ZNF512: variants seen among roughly 807,000 people sequenced by gnomAD.
ZNF512 encodes zinc finger protein 512.
ZNF512 carries 25 observed loss-of-function variants against 77.5 expected under a neutral mutation model. That is an observed-to-expected ratio of 0.32 (90% CI 0.23 to 0.45). The LOEUF is 0.45. Ranked by LOEUF, ZNF512 falls within the 20% of genes least tolerant of loss-of-function variation. ZNF512 has a pLI of 1.00. For synonymous variants in ZNF512, 246 were observed against 239.9 expected, an observed-to-expected ratio of 1.03 and a Z score of -0.24; for missense variants, 483 against 692.6, an observed-to-expected ratio of 0.70 and a Z score of 3.40.
At chr2:27,589,706 T>A (rs184729506) in intron 2 of ZNF512, among the ~76,000 whole-genome samples, 1 of 152,208 alleles carries the variant, frequency 6.6e-6, no homozygotes, top group Non-Finnish European at 1.5e-5. Flanking sequence ...AGTTTCTAAG[T>A]ATTGCTTTAG....
In ZNF512 at chr2:27,603,741, G is replaced by A. The variant is rs116719083; in HGVS notation, c.936+434G>A. Among the ~76,000 whole-genome samples, 282 of 151,248 alleles carry A rather than the reference G, an allele frequency of 1.9e-3. 3 individuals are homozygous for A. The highest frequency in any genetic ancestry group is 6.4e-3 in the African/African-American group (264 of 41,298). On this transcript the variant is annotated intron_variant, in intron 9 of 13. Coordinates refer to ENST00000355467, the MANE Select transcript of ZNF512 (RefSeq NM_032434.4). The stretch of plus-strand genomic sequence containing the variant: ...TAAGTAGCCAGGACTACAGGCTTGC[G>A]TCACATGCCCAGCTAATTCTTCGTT...
intron 2 of ZNF512, among the ~76,000 whole-genome samples, chr2:27,587,478 T>C (rs912091778): frequency 2.0e-5 from 3 of 151,912 alleles, no homozygotes; most frequent in Non-Finnish European, 2.9e-5. Context: ...GATTTCACCA[T>C]GTTGGCCAGG....
intron 2 of ZNF512, among the ~76,000 whole-genome samples, chr2:27,589,926 C>A (rs953559421): frequency 6.6e-6 from 1 of 152,142 alleles, no homozygotes; most frequent in Non-Finnish European, 1.5e-5. Flanking sequence ...AGAGAATACA[C>A]TGTGTAATTC....
intron 3 of ZNF512, 61 bp downstream of exon 3, chr2:27,598,315 T>A (rs1242595655): frequency 1.5e-5 from 23 of 1,518,608 alleles, no homozygotes; most frequent in Non-Finnish European, 2.0e-5. Flanking sequence ...AGTTTGAGAT[T>A]GTTATAAATA....
At chr2:27,610,824 G>A (rs1558475108) in intron 10 of ZNF512, among the ~76,000 whole-genome samples, 1 of 151,212 alleles carries the variant, frequency 6.6e-6, no homozygotes, top group Non-Finnish European at 1.5e-5. Flanking sequence ...CGCCTGCCTC[G>A]GCCTCCTGAA....
At chr2:27,588,064 A>G (rs1345031083) in intron 2 of ZNF512, among the ~76,000 whole-genome samples, 1 of 152,000 alleles carries the variant, frequency 6.6e-6, no homozygotes, top group Admixed American at 6.6e-5. Context: ...AAAGTGGGTT[A>G]TCTTATTGAA....
chr2:27,583,322 C>G, intron 1 of ZNF512, 180 bp downstream of exon 1: 1 of 1,263,384 alleles, frequency 7.9e-7, no homozygotes, highest in Non-Finnish European at 1.1e-6. Context: ...CTGTTCCCCA[C>G]CTCCTTGGAT....
At chr2:27,616,424 C>A in intron 12 of ZNF512, 100 bp downstream of exon 12, 1 of 933,676 alleles carries the variant, frequency 1.1e-6, no homozygotes, top group South Asian at 1.5e-5. Context: ...TCCTGTTTAC[C>A]ATTATCTTCA....
chr2:27,597,366 A>G (rs890073130), intron 2 of ZNF512, among the ~76,000 whole-genome samples: 2 of 152,102 alleles, frequency 1.3e-5, no homozygotes, highest in Non-Finnish European at 2.9e-5. Context: ...TCCATTGACC[A>G]CTCTTGGAGA....
At chr2:27,595,459 A>C (rs1671825379) in intron 2 of ZNF512, among the ~76,000 whole-genome samples, 2 of 151,852 alleles carry the variant, frequency 1.3e-5, no homozygotes, top group South Asian at 4.1e-4. Context: ...CGAGTAGCTG[A>C]GATTACAGGC....
intron 1 of ZNF512, 63 bp from the exon 2 acceptor site, chr2:27,583,595 C>T: frequency 1.9e-6 from 3 of 1,597,500 alleles, no homozygotes; most frequent in Non-Finnish European, 2.6e-6. Context: ...TAGGGGAATT[C>T]GTCTTTTTGT....
At chr2:27,601,682 C>A (rs944870252) in intron 7 of ZNF512, among the ~76,000 whole-genome samples, 3 of 151,352 alleles carry the variant, frequency 2.0e-5, no homozygotes, top group Admixed American at 2.0e-4. Flanking sequence ...GAGTTTCACT[C>A]TTGTTGCCCA....
At position 27,599,995 on chromosome 2, in the gene ZNF512, G is replaced by A; in HGVS notation, c.399G>A (p.Gln133=). The A allele has an allele frequency of 6.2e-7, 1 of 1,614,190 alleles. No homozygotes were observed. Among genetic ancestry groups the A allele is most frequent in the Non-Finnish European group, 8.5e-7 (1 of 1,180,028 alleles). ...LYGRKQRPKT[Q]PNPKSQARRI... is the part of the protein sequence containing the mutation. ...GGAGGAAGCAACGGCCTAAAACTCA[G>A]CCCAATCCCAAATCCCAGGCCCGTC... The change falls in exon 5 of 14, where the codon CAG becomes CAA. Residue 133 remains glutamine, a synonymous_variant. Coordinates refer to ENST00000355467, the MANE Select transcript of ZNF512 (RefSeq NM_032434.4).
Position 27,601,367 on chromosome 2 carries a change from T to C in ZNF512, c.594T>C (p.Thr198=), listed in dbSNP as rs1160346954. 6.2e-7 allele frequency: 1 copy of C among 1,613,974 alleles called. No individual in the cohort carries two copies. The highest frequency in any genetic ancestry group is 8.5e-7 in the Non-Finnish European group (1 of 1,179,834). ...ATTTTTCCTTCTAGGAAATGTTTACTTGTCATCATTGTGGGAAACAACTTC... is the reference window on the plus strand; with the variant it reads ...ATTTTTCCTTCTAGGAAATGTTTACCTGTCATCATTGTGGGAAACAACTTC... ...HMENCKQEMF[T]CHHCGKQLRS... Residue 198 remains threonine (T), a synonymous_variant, in exon 7 of 14, where the codon ACT becomes ACC. Transcript: ENST00000355467.
In ZNF512 at chr2:27,607,909, G is replaced by T. The variant is rs138329866; in HGVS notation, c.1001G>T (p.Ser334Ile). 4.3e-6 allele frequency: 7 copies of T among 1,614,062 alleles called. No individual in the cohort carries two copies. Among genetic ancestry groups the T allele is most frequent in the South Asian group, 1.1e-5 (1 of 91,092 alleles). The change falls in exon 10 of 14, where the codon AGT (serine) becomes ATT (isoleucine). Residue 334 changes from serine to isoleucine, a missense_variant. Around this residue, in one of 2 missense-constraint regions of ZNF512, gnomAD observed 324 missense variants for 525.0 expected, o/e 0.62. Coordinates refer to ENST00000355467, the MANE Select transcript of ZNF512 (RefSeq NM_032434.4). ...AAGGAGATGAACCTAGAGTCAAAGA[G>T]TGGGGGCCGAGTTCAGAGACGTTCT... is the stretch of plus-strand genomic sequence containing the variant. ...CLKEMNLESKSGGRVQRRSAK... is the reference protein window; with the variant it reads ...CLKEMNLESKIGGRVQRRSAK...
chr2:27,616,201 A>T, intron 11 of ZNF512, 61 bp from the exon 12 acceptor site: 2 of 1,310,098 alleles, frequency 1.5e-6, no homozygotes, highest in South Asian at 1.2e-5. Flanking sequence ...GTAAATGGCC[A>T]GATTGTTCAG....
chr2:27,618,651 G>GTAA (rs1672999079), intron 13 of ZNF512, among the ~76,000 whole-genome samples: 1 of 152,144 alleles, frequency 6.6e-6, no homozygotes, highest in African/African-American at 2.4e-5. Flanking sequence ...TGGTAAATTT[G>GTAA]ATTGTTCATT....
intron 2 of ZNF512, among the ~76,000 whole-genome samples, chr2:27,592,843 G>C (rs1437789210): frequency 1.3e-5 from 2 of 151,146 alleles, no homozygotes; most frequent in Non-Finnish European, 3.0e-5. Context: ...GTGCCACCAT[G>C]CCCAGCTAAT....
rs553269142 is a variant in ZNF512 at position 27,606,942 on chromosome 2, A to G, written c.937-903A>G. ...TTCCTTTCCTTATTTGCTGTGGGCT[A>G]AGAATTCTCCCTTTCCAAAGGCCAC... is the stretch of plus-strand genomic sequence containing the variant. On this transcript the variant is annotated intron_variant, in intron 9 of 13. Coordinates refer to ENST00000355467, the MANE Select transcript of ZNF512 (RefSeq NM_032434.4). Among the ~76,000 whole-genome samples, 10 of 152,196 alleles carry G rather than the reference A, an allele frequency of 6.6e-5. No individual in the cohort carries two copies. In the South Asian group the frequency reaches 2.1e-3, roughly 32 times the overall value.
Sources: allele counts gnomAD v4.1 joint callset (sites outside exome capture counted in the v4.1 genomes callset), GRCh38; gene constraint gnomAD v4.1.1; regional missense constraint gnomAD v4.1.1; transcripts MANE v1.5; gene names NCBI Gene and HGNC (gene_info 2026-07-23, HGNC 2026-07-21).